The following CERKL variants were observed in gnomAD, a reference collection of about 807,000 sequenced individuals.
The protein encoded by CERKL is CERK like autophagy regulator, also known as ceramide kinase-like protein.
A neutral mutation model predicts 63.4 loss-of-function variants in CERKL; 61 were observed. The ratio of observed to expected loss-of-function variants is 0.96; its 90% confidence interval spans 0.78 to 1.19. The LOEUF is 1.19. Among genes scored for constraint, CERKL ranks in the 50% most tolerant of loss-of-function variants. The pLI is 0.00. For missense variants in CERKL, 675 were observed against 655.5 expected (o/e 1.03, Z -0.33); for synonymous variants, 250 against 230.5 (o/e 1.08, Z -0.77).
At chr2:181,559,364 G>A (rs1688341332) in intron 4 of CERKL, among the ~76,000 whole-genome samples, 2 of 152,192 alleles carry the variant, frequency 1.3e-5, no homozygotes, top group East Asian at 1.9e-4. Flanking sequence ...AAATAACACA[G>A]AAGTACCAGA....
At chr2:181,650,549 G>C (rs897399491) in intron 1 of CERKL, among the ~76,000 whole-genome samples, 1 of 152,000 alleles carries the variant, frequency 6.6e-6, no homozygotes, top group Admixed American at 6.6e-5. Context: ...ACCTGAGGTC[G>C]GGAGTTCGAG....
intron 4 of CERKL, among the ~76,000 whole-genome samples, chr2:181,564,720 C>A (rs1031886483): frequency 6.6e-6 from 1 of 152,126 alleles, no homozygotes; most frequent in South Asian, 2.1e-4. Flanking sequence ...ATTCTTTAAT[C>A]AAGTTTTGAA....
At chr2:181,605,217 C>G (rs1157638971) in intron 1 of CERKL, among the ~76,000 whole-genome samples, 1 of 152,124 alleles carries the variant, frequency 6.6e-6, no homozygotes, top group African/African-American at 2.4e-5. Context: ...TACAGGAATC[C>G]TGGTGGGGCC....
At chr2:181,554,533 T>G (rs1335425058) in intron 5 of CERKL, among the ~76,000 whole-genome samples, 2 of 152,186 alleles carry the variant, frequency 1.3e-5, no homozygotes, top group African/African-American at 4.8e-5. Context: ...TTTATTTTTA[T>G]GTCCTCTCAG....
intron 2 of CERKL, among the ~76,000 whole-genome samples, chr2:181,576,384 C>T (rs1332491146): frequency 6.6e-6 from 1 of 152,126 alleles, no homozygotes; most frequent in Non-Finnish European, 1.5e-5. Flanking sequence ...TTAATGGAGA[C>T]TAAAGGCATG....
chr2:181,547,898 G>GACACAGACACAC (rs1687802727), intron 8 of CERKL, 51 bp from the exon 9 acceptor site: 3 of 760,628 alleles, frequency 3.9e-6, no homozygotes, highest in Admixed American at 3.9e-5. Flanking sequence ...CGCGCGCACA[G>GACACAGACACAC]ACACACAGAC....
At position 181,645,425 on chromosome 2, in the gene CERKL, A is replaced by G. The variant is rs182213045; in HGVS notation, c.238+11344T>C. ...ATTCTGAATATCTTCCCTCTCCTCC[A>G]TCTAGATTTAGTTTCTATCCTCCAC... On this transcript the variant is annotated intron_variant, in intron 1 of 12. Coordinates refer to ENST00000410087, the MANE Select transcript of CERKL (RefSeq NM_201548.5). Among the ~76,000 whole-genome samples, 142 of 152,328 alleles carry G rather than the reference A, an allele frequency of 9.3e-4. 2 individuals are homozygous for G. The highest frequency in any genetic ancestry group is 7.8e-3 in the Admixed American group (119 of 15,304).
chr2:181,563,488 C>T (rs1314724133), intron 4 of CERKL, among the ~76,000 whole-genome samples: 1 of 152,120 alleles, frequency 6.6e-6, no homozygotes, highest in Non-Finnish European at 1.5e-5. Flanking sequence ...TAGGTGATTT[C>T]CTAATCACTC....
At chr2:181,553,668 A>G (rs1479024211) in intron 5 of CERKL, among the ~76,000 whole-genome samples, 2 of 152,184 alleles carry the variant, frequency 1.3e-5, no homozygotes, top group Non-Finnish European at 2.9e-5. Flanking sequence ...AATTCTGTAG[A>G]AGTTGGCAGT....
intron 1 of CERKL, among the ~76,000 whole-genome samples, chr2:181,616,662 A>G (rs1353156313): frequency 6.6e-6 from 1 of 152,188 alleles, no homozygotes; most frequent in Non-Finnish European, 1.5e-5. Context: ...TTGAAAAAGA[A>G]CAGTATAATA....
intron 1 of CERKL, among the ~76,000 whole-genome samples, chr2:181,630,034 CT>C (rs1395054218): frequency 1.0e-4 from 15 of 147,846 alleles, no homozygotes; most frequent in South Asian, 4.3e-4. Context: ...ATAAAACCCA[CT>C]TTTTTTTTTC....
At position 181,656,370 on chromosome 2, in the gene CERKL, A is replaced by G. The variant is rs1264482360; in HGVS notation, c.238+399T>C. The stretch of plus-strand genomic sequence containing the variant: ...GTTTATAGTTTCAATGTACCATCAA[A>G]GTTAATGGATTAAAACTTTTTCAAC... On this transcript the variant is annotated intron_variant, in intron 1 of 12. Transcript: ENST00000410087. Among the ~76,000 whole-genome samples, 3 of 152,242 alleles carry G rather than the reference A, an allele frequency of 2.0e-5. No homozygotes were observed. In the East Asian group the frequency reaches 5.8e-4, roughly 29 times the overall value.
At chr2:181,565,387 G>T in intron 4 of CERKL, 2 of 1,351,930 alleles carry the variant, frequency 1.5e-6, no homozygotes, top group Non-Finnish European at 2.1e-6. Context: ...TTAGCAAATT[G>T]GTTCACCTAA....
chr2:181,537,907 C>G lies in CERKL; in HGVS notation c.*277G>C. On this transcript the variant is annotated 3_prime_UTR_variant, in exon 13 of 13. Transcript: ENST00000410087. ...AATGGAGCATTACTGAGTTCCTCCC[C>G]CTGTCAGATCAGCAGCAGCATTAGA... 2 of 568,964 alleles carry G rather than the reference C, an allele frequency of 3.5e-6. No individual in the cohort carries two copies. The highest frequency in any genetic ancestry group is 6.7e-6 in the Non-Finnish European group (2 of 300,180). 35.2% of individuals were successfully genotyped at this position (568,964 alleles called of 1,614,324 possible).
At chr2:181,601,771 G>A (rs956394375) in intron 2 of CERKL, among the ~76,000 whole-genome samples, 5 of 152,044 alleles carry the variant, frequency 3.3e-5, no homozygotes, top group Admixed American at 6.5e-5. Context: ...AGTCAGTCTT[G>A]GTTAGGTTTC....
intron 1 of CERKL, among the ~76,000 whole-genome samples, chr2:181,645,103 T>A (rs983466774): frequency 6.6e-5 from 10 of 152,184 alleles, no homozygotes; most frequent in Admixed American, 1.3e-4. Context: ...CTCAGGATCA[T>A]TTACCCACCA....
chr2:181,586,510 TCCC>T (rs1684774885), intron 2 of CERKL, among the ~76,000 whole-genome samples: 1 of 152,094 alleles, frequency 6.6e-6, no homozygotes, highest in Non-Finnish European at 1.5e-5. Context: ...AGTGTAAGCA[TCCC>T]CCAAGTAGAC....
intron 2 of CERKL, among the ~76,000 whole-genome samples, chr2:181,592,395 G>C (rs1685025126): frequency 6.6e-6 from 1 of 152,050 alleles, no homozygotes; most frequent in Admixed American, 6.6e-5. Context: ...CAAATATAGA[G>C]CAGTATTTTA....
chr2:181,541,071 T>C (rs186640057), intron 11 of CERKL, among the ~76,000 whole-genome samples: 3 of 152,338 alleles, frequency 2.0e-5, no homozygotes, highest in East Asian at 3.9e-4. Flanking sequence ...AATTCCTGTA[T>C]TGAAATCCTC....
Sources: gnomAD v4.1 joint callset for allele counts (sites outside exome capture counted in the v4.1 genomes callset) on GRCh38, gnomAD v4.1.1 for gene constraint, MANE v1.5 for transcripts, NCBI Gene and HGNC (gene_info 2026-07-23, HGNC 2026-07-21) for gene names.